Variants in CFAP77 observed in about 807,000 individuals in gnomAD.
CFAP77 encodes cilia- and flagella-associated protein 77.
Under a neutral mutation model 31.1 loss-of-function variants are expected in CFAP77, and 25 were observed. That is an observed-to-expected ratio of 0.80 (90% CI 0.59 to 1.12). The LOEUF (loss-of-function observed/expected upper bound fraction) is 1.12, where lower values mean the gene tolerates loss of function less well. Among genes scored for constraint, CFAP77 ranks in the 50% most tolerant of loss-of-function variants. CFAP77 has a pLI of 0.00. For missense variants in CFAP77, 377 were observed against 397.3 expected, an observed-to-expected ratio of 0.95 and a Z score of 0.44; for synonymous variants, 151 against 159.9, an observed-to-expected ratio of 0.94 and a Z score of 0.42.
chr9:132,463,486 C>T (rs1013568696), intron 1 of CFAP77, among the ~76,000 whole-genome samples: 1 of 152,136 alleles, frequency 6.6e-6, no homozygotes, highest in African/African-American at 2.4e-5. Flanking sequence ...GCTTGCTGTC[C>T]CCTGGGCCAC....
At chr9:132,547,714 T>C (rs1852756474) in intron 5 of CFAP77, among the ~76,000 whole-genome samples, 1 of 152,148 alleles carries the variant, frequency 6.6e-6, no homozygotes. Flanking sequence ...AGGTGCGCCG[T>C]GTCCACAGCC....
chr9:132,456,428 T>C (rs1850914650), intron 1 of CFAP77, among the ~76,000 whole-genome samples: 1 of 152,228 alleles, frequency 6.6e-6, no homozygotes, highest in Admixed American at 6.5e-5. Flanking sequence ...CTCCTTGGTA[T>C]GGCGCCAGGC....
chr9:132,459,909 AGTGT>A (rs1021965106), intron 1 of CFAP77, among the ~76,000 whole-genome samples: 6 of 148,524 alleles, frequency 4.0e-5, no homozygotes, highest in Non-Finnish European at 9.0e-5. Flanking sequence ...TTAGTGTGTG[AGTGT>A]GAGTTTGTAT....
intron 5 of CFAP77, among the ~76,000 whole-genome samples, chr9:132,561,929 C>T (rs1270400192): frequency 3.3e-5 from 5 of 152,202 alleles, no homozygotes; most frequent in African/African-American, 4.8e-5. Flanking sequence ...AGGCTGGTGC[C>T]GCCTCGCAAG....
intron 1 of CFAP77, among the ~76,000 whole-genome samples, chr9:132,485,992 A>G (rs1851533700): frequency 1.3e-4 from 1 of 7,644 alleles, no homozygotes; most frequent in Non-Finnish European, 2.2e-4. Flanking sequence ...CCTCATATAT[A>G]TATATATATA....
intron 1 of CFAP77, among the ~76,000 whole-genome samples, chr9:132,438,543 T>TATATATATATATATATATATA (rs1564204145): frequency 1.1e-5 from 1 of 88,312 alleles, no homozygotes; most frequent in African/African-American, 4.9e-5. Context: ...ATATATATAT[T>TATATATATATATATATATATA]TTTTTTTTTT....
At chr9:132,553,180 G>C (rs181755494) in intron 5 of CFAP77, among the ~76,000 whole-genome samples, 1 of 152,250 alleles carries the variant, frequency 6.6e-6, no homozygotes, top group Non-Finnish European at 1.5e-5. Context: ...CACACACTCT[G>C]GTGTCTCTTC....
At chr9:132,487,926 A>T (rs1413411897) in intron 1 of CFAP77, among the ~76,000 whole-genome samples, 1 of 152,170 alleles carries the variant, frequency 6.6e-6, no homozygotes, top group African/African-American at 2.4e-5. Flanking sequence ...TGTGCTTTTC[A>T]TTCGAGGATC....
chr9:132,453,627 C>T (rs1410706758), intron 1 of CFAP77, among the ~76,000 whole-genome samples: 1 of 152,154 alleles, frequency 6.6e-6, no homozygotes, highest in Non-Finnish European at 1.5e-5. Context: ...ATTTAAAAAC[C>T]CCACAGAAAC....
intron 1 of CFAP77, among the ~76,000 whole-genome samples, chr9:132,433,010 G>A (rs1203857027): frequency 5.3e-5 from 8 of 151,846 alleles, no homozygotes; most frequent in African/African-American, 1.9e-4. Flanking sequence ...CACCAAGCCC[G>A]GCCAATTTTC....
At chr9:132,549,825 CAA>C (rs1239856071) in intron 5 of CFAP77, among the ~76,000 whole-genome samples, 3 of 140,696 alleles carry the variant, frequency 2.1e-5, no homozygotes, top group Non-Finnish European at 3.0e-5. Context: ...GGTGACAGAG[CAA>C]GACTCTGTCT....
intron 1 of CFAP77, among the ~76,000 whole-genome samples, chr9:132,467,541 G>A (rs1398083373): frequency 1.3e-5 from 2 of 152,288 alleles, no homozygotes; most frequent in African/African-American, 4.8e-5. Context: ...CCTTTTTAAG[G>A]CTGAGTAATA....
At chr9:132,516,185 T>C (rs1022794821) in intron 3 of CFAP77, among the ~76,000 whole-genome samples, 7 of 152,188 alleles carry the variant, frequency 4.6e-5, no homozygotes, top group Non-Finnish European at 1.0e-4. Flanking sequence ...TTTGGACTTT[T>C]ATGTGAATCT....
Position 132,563,803 on chromosome 9 carries a change from G to A in CFAP77, c.733-8585G>A, listed in dbSNP as rs60854757. Among the ~76,000 whole-genome samples, 1,428 of 152,304 alleles carry A rather than the reference G, an allele frequency of 9.4e-3. 24 individuals carry two copies. The highest frequency in any genetic ancestry group is 0.033 in the African/African-American group (1,374 of 41,566). ...CTTCCCGTTATTACCAATCCGATGTGTGTGTAATGCTTATTCTCTTGCTTA... is the reference window on the plus strand; with the variant it reads ...CTTCCCGTTATTACCAATCCGATGTATGTGTAATGCTTATTCTCTTGCTTA... On this transcript the variant is annotated intron_variant, in intron 5 of 5. Coordinates refer to ENST00000393216, the MANE Select transcript of CFAP77 (RefSeq NM_001282957.2).
rs551720775 is a variant in CFAP77 at position 132,491,505 on chromosome 9, C to T, written c.196-7190C>T. Among the ~76,000 whole-genome samples the T allele has an allele frequency of 1.8e-4, 27 of 152,300 alleles. No individual in the cohort carries two copies. The South Asian group carries it at 2.9e-3, about 16-fold the overall frequency. On this transcript the variant is annotated intron_variant, in intron 1 of 5. Coordinates refer to ENST00000393216, the MANE Select transcript of CFAP77 (RefSeq NM_001282957.2). ...GTTCCTTGTGTGATCATTATACAAA[C>T]GCACGACTGTGGACAAAGTGTAGAA...
chr9:132,427,108 A>G (rs1850330606), intron 1 of CFAP77, among the ~76,000 whole-genome samples: 1 of 152,220 alleles, frequency 6.6e-6, no homozygotes, highest in Non-Finnish European at 1.5e-5. Context: ...TGGGCTGGAG[A>G]GAATACATTT....
rs1027565958 is a variant in CFAP77 at position 132,472,472 on chromosome 9, G to A, written c.196-26223G>A. Among the ~76,000 whole-genome samples the A allele has an allele frequency of 9.2e-5, 14 of 152,182 alleles. 1 individual carries two copies. Among genetic ancestry groups the A allele is most frequent in the Admixed American group, 7.9e-4 (12 of 15,278 alleles). On this transcript the variant is annotated intron_variant, in intron 1 of 5. Coordinates refer to ENST00000393216, the MANE Select transcript of CFAP77 (RefSeq NM_001282957.2). The stretch of plus-strand genomic sequence containing the variant: ...TGTGAACACAAACATAACCACCATC[G>A]TTGGCCAGGTGCATTGGCTCACGCC...
intron 1 of CFAP77, among the ~76,000 whole-genome samples, chr9:132,426,076 G>A (rs75722281): frequency 1.9e-3 from 286 of 152,236 alleles, no homozygotes; most frequent in African/African-American, 6.4e-3. Context: ...CCGCCTCCCC[G>A]AGCTTCTAAA....
At chr9:132,452,510 G>A (rs1284454834) in intron 1 of CFAP77, among the ~76,000 whole-genome samples, 1 of 152,220 alleles carries the variant, frequency 6.6e-6, no homozygotes, top group Non-Finnish European at 1.5e-5. Flanking sequence ...CCAGTTGAAG[G>A]AGAAGAAAAG....
Sources: gnomAD v4.1 joint callset for allele counts (sites outside exome capture counted in the v4.1 genomes callset) on GRCh38, gnomAD v4.1.1 for gene constraint, MANE v1.5 for transcripts, NCBI Gene and HGNC (gene_info 2026-07-23, HGNC 2026-07-21) for gene names.